The following NDUFV1 variants were observed in gnomAD, a reference collection of about 807,000 sequenced individuals.
NDUFV1 encodes the protein NADH dehydrogenase [ubiquinone] flavoprotein 1, mitochondrial.
Under a neutral mutation model 48.7 loss-of-function variants are expected in NDUFV1, and 41 were observed. That is an observed-to-expected ratio of 0.84 (90% CI 0.66 to 1.09). The LOEUF is 1.09. Ranked by LOEUF, NDUFV1 falls within the 50% of genes least tolerant of loss-of-function variation. NDUFV1 has a pLI of 0.00. For synonymous variants in NDUFV1, 231 were observed against 259.1 expected, an observed-to-expected ratio of 0.89 and a Z score of 1.04; for missense variants, 580 against 645.4, an observed-to-expected ratio of 0.90 and a Z score of 1.10.
chr11:67,610,184 A>T (rs1854885347), intron 4 of NDUFV1, 197 bp from the exon 5 acceptor site: 4 of 614,928 alleles, frequency 6.5e-6, no homozygotes, highest in Admixed American at 2.8e-5. Flanking sequence ...CAGCTTACTT[A>T]TGTGTTCCTT....
chr11:67,609,587 C>T lies in NDUFV1; in HGVS notation c.462C>T (p.Ala154=), dbSNP rs769665473. Residue 154 remains alanine (A), a synonymous_variant, in exon 4 of 10, where the codon GCC becomes GCT. Transcript: ENST00000322776. Reference sequence around the variant, plus strand: ...GCCGGGCCATGGGCGCCCGCGCTGCCTATATCTACATCCGAGGGGAATTCT... The same window carrying T: ...GCCGGGCCATGGGCGCCCGCGCTGCTTATATCTACATCCGAGGGGAATTCT... The part of the protein sequence containing the change: ...VGGRAMGARA[A]YIYIRGEFYN... The T allele has an allele frequency of 2.5e-6, 4 of 1,610,972 alleles. No individual in the cohort carries two copies. The highest frequency in any genetic ancestry group is 2.2e-5 in the South Asian group (2 of 91,084).
rs1241254806 is a variant in NDUFV1 at position 67,612,000 on chromosome 11, GGCTT to G, written c.1162+30_1162+33del. ...GAGGGTGAGCATCGGGCAGGTTGGG[GGCTT>G]GCTTGCTGTGGCTTCATTTAACCTC... On this transcript the variant is annotated intron_variant, in intron 8 of 9. Coordinates refer to ENST00000322776, the MANE Select transcript of NDUFV1 (RefSeq NM_007103.4). This position sits in a 1 kb window ranked among gnomAD's most constrained non-coding sequence, Gnocchi z 4.2. 11 of 1,613,634 alleles carry G rather than the reference GGCTT, an allele frequency of 6.8e-6. No homozygotes were observed. Among genetic ancestry groups the G allele is most frequent in the Non-Finnish European group, 9.3e-6 (11 of 1,179,980 alleles).
intron 1 of NDUFV1, chr11:67,607,470 G>A (rs1200069508): frequency 4.2e-6 from 2 of 476,692 alleles, no homozygotes; most frequent in Admixed American, 2.3e-5. Context: ...GCTCTTAAAA[G>A]GATGGGAATC....
rs1854924911 is a variant in NDUFV1 at position 67,611,985 on chromosome 11, A to G, written c.1162+7A>G. ...TGTACCCCATGCCGTGAGGGTGAGC[A>G]TCGGGCAGGTTGGGGGCTTGCTTGC... On this transcript the variant is annotated splice_region_variant and intron_variant, in intron 8 of 9. Coordinates refer to ENST00000322776, the MANE Select transcript of NDUFV1 (RefSeq NM_007103.4). The surrounding 1 kb of genome is among the most constrained non-coding windows in gnomAD (Gnocchi z 4.2). 1 of 1,613,742 alleles carries G rather than the reference A, an allele frequency of 6.2e-7. No individual in the cohort carries two copies. The highest frequency in any genetic ancestry group is 1.1e-5 in the South Asian group (1 of 91,072).
rs112015076 is a variant in NDUFV1, at chr11:67,611,608, G to C, written c.1080+39G>C. The C allele has an allele frequency of 3.6e-3, 5,660 of 1,584,014 alleles. 131 individuals carry two copies. In the African/African-American group the frequency reaches 0.057, roughly 16 times the overall value. ...CACCAGCCCTGGTCCCTGCCCTCCT[G>C]GTTGCTGTCTCCCTCCCTGGGCCTC... On this transcript the variant is annotated intron_variant, in intron 7 of 9. Coordinates refer to ENST00000322776, the MANE Select transcript of NDUFV1 (RefSeq NM_007103.4). This position sits in a 1 kb window ranked among gnomAD's most constrained non-coding sequence, Gnocchi z 4.2.
chr11:67,611,470 C>T lies in NDUFV1; in HGVS notation c.981C>T (p.Ile327=), dbSNP rs747407725. The T allele has an allele frequency of 1.2e-6, 2 of 1,614,020 alleles. No homozygotes were observed. The highest frequency in any genetic ancestry group is 2.7e-5 in the African/African-American group (2 of 74,924). The change falls in exon 7 of 10, where the codon ATC becomes ATT. Residue 327 remains isoleucine (I), a synonymous_variant. Transcript: ENST00000322776. The surrounding 1 kb of genome is among the most constrained non-coding windows in gnomAD (Gnocchi z 4.2). ...VIPGGSSTPL[I]PKSVCETVLM... is the part of the protein sequence containing the mutation. ...CTGGCGGCTCGTCTACCCCACTGATCCCCAAGTCTGTGTGTGAGACGGTGC... is the reference window on the plus strand; with the variant it reads ...CTGGCGGCTCGTCTACCCCACTGATTCCCAAGTCTGTGTGTGAGACGGTGC...
At position 67,612,418 on chromosome 11, in the gene NDUFV1, G is replaced by A. The variant is rs368184231; in HGVS notation, c.1355G>A (p.Arg452Gln). 10 of 1,612,548 alleles carry A rather than the reference G, an allele frequency of 6.2e-6. No homozygotes were observed. Among genetic ancestry groups the A allele is most frequent in the South Asian group, 2.2e-5 (2 of 91,012 alleles). Reference sequence around the variant, plus strand: ...CCGGAGCTCGAGGAGCGGATGCAGCGGTTTGCCCAGCAGCATCAGGCCCGG... The same window carrying A: ...CCGGAGCTCGAGGAGCGGATGCAGCAGTTTGCCCAGCAGCATCAGGCCCGG... ...FRPELEERMQ[R>Q]FAQQHQARQA... is the part of the protein sequence containing the mutation. The change falls in exon 10 of 10, where the codon CGG becomes CAG. Residue 452 changes from arginine to glutamine, a missense_variant. Transcript: ENST00000322776. This position sits in a 1 kb window ranked among gnomAD's most constrained non-coding sequence, Gnocchi z 4.4.
At position 67,612,426 on chromosome 11, in the gene NDUFV1, C is replaced by T. The variant is rs765340682; in HGVS notation, c.1363C>T (p.Gln455Ter). The T allele has an allele frequency of 1.7e-5, 27 of 1,612,270 alleles. No homozygotes were observed. Among genetic ancestry groups the T allele is most frequent in the Admixed American group, 1.2e-4 (7 of 60,010 alleles). Residue 455 changes from glutamine (Q) to a stop codon, truncating the protein, a stop_gained, in exon 10 of 10, where the codon CAG (glutamine) becomes TAG (stop). Coordinates refer to ENST00000322776, the MANE Select transcript of NDUFV1 (RefSeq NM_007103.4). LOFTEE classifies it high-confidence loss of function. This position sits in a 1 kb window ranked among gnomAD's most constrained non-coding sequence, Gnocchi z 4.4. ...CGAGGAGCGGATGCAGCGGTTTGCCCAGCAGCATCAGGCCCGGCAGGCTGC... is the reference window on the plus strand; with the variant it reads ...CGAGGAGCGGATGCAGCGGTTTGCCTAGCAGCATCAGGCCCGGCAGGCTGC... Reference protein sequence around the residue: ...ELEERMQRFAQQHQARQAAS With the variant: ...ELEERMQRFA
intron 1 of NDUFV1, 113 bp downstream of exon 1, chr11:67,607,189 A>C: frequency 8.0e-7 from 1 of 1,248,472 alleles, no homozygotes; most frequent in Non-Finnish European, 1.1e-6. Context: ...CCTTCTCCCC[A>C]GGCCAGGCGG....
Position 67,612,038 on chromosome 11 carries a change from C to T in NDUFV1, c.1162+60C>T. 8 of 1,613,528 alleles carry T rather than the reference C, an allele frequency of 5.0e-6. No homozygotes were observed. Among genetic ancestry groups the T allele is most frequent in the Non-Finnish European group, 5.9e-6 (7 of 1,179,894 alleles). On this transcript the variant is annotated intron_variant, in intron 8 of 9. Transcript: ENST00000322776. The surrounding 1 kb of genome is among the most constrained non-coding windows in gnomAD (Gnocchi z 4.4). ...TGGCTTCATTTAACCTCCTCCCCAC[C>T]ACGTGGCCTGCAGCCCTCAAGCGCC...
rs1421543611 is a variant in NDUFV1 at position 67,612,448 on chromosome 11, C to T, written c.1385C>T (p.Ala462Val). ...GCCCAGCAGCATCAGGCCCGGCAGG[C>T]TGCCTCTTAGCCCACCACCCTGGCC... ...RFAQQHQARQ[A>V]AS Residue 462 changes from alanine (A) to valine (V), a missense_variant, in exon 10 of 10, where the codon GCT (alanine) becomes GTT (valine). Coordinates refer to ENST00000322776, the MANE Select transcript of NDUFV1 (RefSeq NM_007103.4). This position sits in a 1 kb window ranked among gnomAD's most constrained non-coding sequence, Gnocchi z 4.4. 6.2e-7 allele frequency: 1 copy of T among 1,611,738 alleles called. No homozygotes were observed.
chr11:67,610,675 TG>T, intron 5 of NDUFV1, 105 bp downstream of exon 5: 1 of 1,460,880 alleles, frequency 6.8e-7, no homozygotes, highest in Non-Finnish European at 9.3e-7. Context: ...GCTTCCCGGC[TG>T]GGGCCAGATA....
At chr11:67,610,743 C>A in intron 5 of NDUFV1, 173 bp downstream of exon 5, 1 of 935,940 alleles carries the variant, frequency 1.1e-6, no homozygotes, top group Non-Finnish European at 1.6e-6. Flanking sequence ...TGTCCCTCCT[C>A]CTGCCTCGGT....
At position 67,611,311 on chromosome 11, in the gene NDUFV1, G is replaced by C. The variant is rs1213340503; in HGVS notation, c.914-92G>C. ...GCTCAGGAGACGGGGCTGGGTCTAG[G>C]GGCTGACTAAGGGCCTGGGCTCAGG... On this transcript the variant is annotated intron_variant, in intron 6 of 9. Transcript: ENST00000322776. The surrounding 1 kb of genome is among the most constrained non-coding windows in gnomAD (Gnocchi z 4.2). 1 of 1,595,510 alleles carries C rather than the reference G, an allele frequency of 6.3e-7. No homozygotes were observed. Among genetic ancestry groups the C allele is most frequent in the Non-Finnish European group, 8.6e-7 (1 of 1,168,536 alleles).
Position 67,611,796 on chromosome 11 carries a change from G to A in NDUFV1, c.1081-101G>A. ...AGGAGGCCAGAACGCTGGGTGGGCT[G>A]GGAAGAGCTTCTGGAACTGGGGGAG... On this transcript the variant is annotated intron_variant, in intron 7 of 9. Transcript: ENST00000322776. This position sits in a 1 kb window ranked among gnomAD's most constrained non-coding sequence, Gnocchi z 4.2. 3 of 1,509,274 alleles carry A rather than the reference G, an allele frequency of 2.0e-6. No individual in the cohort carries two copies. Among genetic ancestry groups the A allele is most frequent in the South Asian group, 2.3e-5 (2 of 87,640 alleles). 93.5% of individuals were successfully genotyped at this position (1,509,274 alleles called of 1,614,324 possible). A position where few individuals can be genotyped will look rare whatever the true frequency, so the allele number is the denominator to read the frequency against.
At chr11:67,609,662 G>C in intron 4 of NDUFV1, 27 bp downstream of exon 4, 8 of 1,599,028 alleles carry the variant, frequency 5.0e-6, no homozygotes, top group Non-Finnish European at 6.8e-6. Context: ...GTAGACAGAT[G>C]AGAAGGTGTT....
In NDUFV1 at chr11:67,611,747, G is replaced by T. The variant is rs146783985; in HGVS notation, c.1081-150G>T. 6.0e-5 allele frequency: 82 copies of T among 1,365,940 alleles called. No homozygotes were observed. The Middle Eastern group carries it at 6.6e-4, about 11-fold the overall frequency. The allele number at this position is 1,365,940 out of a possible 1,614,324, so 84.6% of individuals were successfully genotyped here. ...AGGAGAATACCCCGGAGTCTGGGCA[G>T]CACAGGGGGCCCAGGGAGGCTGGAG... On this transcript the variant is annotated intron_variant, in intron 7 of 9. Coordinates refer to ENST00000322776, the MANE Select transcript of NDUFV1 (RefSeq NM_007103.4). The surrounding 1 kb of genome is among the most constrained non-coding windows in gnomAD (Gnocchi z 4.2).
chr11:67,611,271 A>G lies in NDUFV1; in HGVS notation c.913+64A>G. On this transcript the variant is annotated intron_variant, in intron 6 of 9. Coordinates refer to ENST00000322776, the MANE Select transcript of NDUFV1 (RefSeq NM_007103.4). This position sits in a 1 kb window ranked among gnomAD's most constrained non-coding sequence, Gnocchi z 4.2. ...AGTGGGGGCAGGTGTCCACAAAGAG[A>G]GCCTGGGCGGGAGGGCTCAGGAGAC... 1.3e-6 allele frequency: 2 copies of G among 1,596,180 alleles called. No homozygotes were observed. The highest frequency in any genetic ancestry group is 1.7e-6 in the Non-Finnish European group (2 of 1,166,750).
At position 67,611,019 on chromosome 11, in the gene NDUFV1, TGGCCAACGTG is replaced by T. The variant is rs1341100757; in HGVS notation, c.727_736del (p.Ala243ArgfsTer51). 6.2e-7 allele frequency: 1 copy of T among 1,614,236 alleles called. No individual in the cohort carries two copies. Reference sequence around the variant, plus strand: ...GGAGTGTTTGGCTGCCCCACAACTGTGGCCAACGTGGAGACAGTGGCAGTGTCCCCCACAA... The same window carrying T: ...GGAGTGTTTGGCTGCCCCACAACTGTGAGACAGTGGCAGTGTCCCCCACAA... On this transcript the variant is annotated frameshift_variant, in exon 6 of 10. Transcript: ENST00000322776. LOFTEE classifies it high-confidence loss of function. The surrounding 1 kb of genome is among the most constrained non-coding windows in gnomAD (Gnocchi z 4.2).
Sources: allele counts gnomAD v4.1 joint callset, GRCh38; gene constraint gnomAD v4.1.1; non-coding constraint Gnocchi (gnomAD v3.1); transcripts MANE v1.5; gene names NCBI Gene and HGNC (gene_info 2026-07-23, HGNC 2026-07-21).